Variants in MOB3B observed in about 807,000 individuals in gnomAD.
MOB3B encodes MOB kinase activator-like 2B.
MOB3B carries 7 observed loss-of-function variants against 18.7 expected under a neutral mutation model. The observed-to-expected ratio is 0.37, with a 90% confidence interval of 0.21 to 0.70. The LOEUF is 0.70. Among genes scored for constraint, MOB3B ranks in the 30% least tolerant of loss-of-function variants. The probability of loss-of-function intolerance (pLI) is 0.52; values close to 1 mark genes in which losing one functional copy is unlikely to be tolerated. For missense variants in MOB3B, 253 were observed against 281.3 expected (o/e 0.90, Z 0.72); for synonymous variants, 111 against 99.9 (o/e 1.11, Z -0.66).
chr9:27,407,455 C>G (rs1821999434), intron 2 of MOB3B, among the ~76,000 whole-genome samples: 1 of 152,166 alleles, frequency 6.6e-6, no homozygotes, highest in Non-Finnish European at 1.5e-5. Flanking sequence ...AAATCTTTCA[C>G]ACTCACTGCT....
chr9:27,380,982 G>C (rs76655575), intron 2 of MOB3B, among the ~76,000 whole-genome samples: 7,169 of 152,214 alleles, frequency 0.047, 231 homozygotes, highest in African/African-American at 0.058. Context: ...GGGAACATCA[G>C]TTCACTACCT....
chr9:27,513,721 T>C (rs1820180570), intron 1 of MOB3B, among the ~76,000 whole-genome samples: 1 of 152,220 alleles, frequency 6.6e-6, no homozygotes, highest in Non-Finnish European at 1.5e-5. Context: ...CCTCCCCGAG[T>C]TACCTTCTTG....
chr9:27,491,264 A>C (rs7019351), intron 1 of MOB3B, among the ~76,000 whole-genome samples: 101,631 of 152,022 alleles, frequency 0.67, 35,038 homozygotes, highest in Non-Finnish European at 0.75. Flanking sequence ...AATTTGGCAC[A>C]AGTTCCACAT....
intron 1 of MOB3B, among the ~76,000 whole-genome samples, chr9:27,471,389 G>T (rs7040436): frequency 0.96 from 145,659 of 152,286 alleles, 69,958 homozygotes; most frequent in Non-Finnish European, 1. Context: ...ACATGGCCCT[G>T]CCCCTACTGG....
At chr9:27,368,166 C>T (rs749829901) in intron 2 of MOB3B, among the ~76,000 whole-genome samples, 9 of 152,046 alleles carry the variant, frequency 5.9e-5, no homozygotes, top group African/African-American at 9.7e-5. Context: ...AAACAAGATG[C>T]AATCGGATCA....
Position 27,383,909 on chromosome 9 carries a change from G to A in MOB3B, c.419-24673C>T, listed in dbSNP as rs570216751. On this transcript the variant is annotated intron_variant, in intron 2 of 3. Coordinates refer to ENST00000262244, the MANE Select transcript of MOB3B (RefSeq NM_024761.5). ...AAGTTTGCTCTGGATATAGCAAGAT[G>A]TTCCTTAAAAAAATAAAGTGAATCA... is the stretch of plus-strand genomic sequence containing the variant. Among the ~76,000 whole-genome samples the A allele has an allele frequency of 3.9e-5, 6 of 152,184 alleles. 1 individual carries two copies. The highest frequency in any genetic ancestry group is 3.3e-4 in the Admixed American group (5 of 15,284).
Position 27,359,057 on chromosome 9 carries a change from C to T in MOB3B, c.598G>A (p.Asp200Asn). 6.2e-7 allele frequency: 1 copy of T among 1,614,142 alleles called. No individual in the cohort carries two copies. The highest frequency in any genetic ancestry group is 8.5e-7 in the Non-Finnish European group (1 of 1,180,040). The change falls in exon 3 of 4, where the codon GAC becomes AAC. Residue 200 changes from aspartate to asparagine, a missense_variant. Transcript: ENST00000262244. ...YYFVTEMNLIDRKELEPLKEM... is the reference protein window; with the variant it reads ...YYFVTEMNLINRKELEPLKEM... ...ACCAAAGGCTCTAGCTCCTTGCGGT[C>T]TATGAGGTTCATCTCTGTGACAAAG...
chr9:27,444,601 T>G (rs1366196929), intron 2 of MOB3B, among the ~76,000 whole-genome samples: 1 of 152,220 alleles, frequency 6.6e-6, no homozygotes, highest in Non-Finnish European at 1.5e-5. Flanking sequence ...ATCTTGTTTT[T>G]AAGTTATTAT....
rs187314769 is a variant in MOB3B, at chr9:27,392,837, G to A, written c.419-33601C>T. Among the ~76,000 whole-genome samples, 1,020 of 152,174 alleles carry A rather than the reference G, an allele frequency of 6.7e-3. 8 individuals are homozygous for A. The highest frequency in any genetic ancestry group is 9.8e-3 in the Non-Finnish European group (668 of 67,998). ...TATCTATAAAATAAAGATAATCATC[G>A]TCATGACTATTAATGACCTTACATG... On this transcript the variant is annotated intron_variant, in intron 2 of 3. Transcript: ENST00000262244.
intron 3 of MOB3B, among the ~76,000 whole-genome samples, chr9:27,356,305 G>T (rs1418137357): frequency 6.6e-6 from 1 of 152,138 alleles, no homozygotes; most frequent in African/African-American, 2.4e-5. Flanking sequence ...AAAAAAACCT[G>T]GTACCTTTCT....
In MOB3B at chr9:27,408,726, C is replaced by T. The variant is rs116293874; in HGVS notation, c.418+46407G>A. On this transcript the variant is annotated intron_variant, in intron 2 of 3. Transcript: ENST00000262244. Reference sequence around the variant, plus strand: ...AACATAACTCCTGGTTCTCCTCTCCCGCCTCTGGCCCCCCAGCGTTATTGC... The same window carrying T: ...AACATAACTCCTGGTTCTCCTCTCCTGCCTCTGGCCCCCCAGCGTTATTGC... Among the ~76,000 whole-genome samples the T allele has an allele frequency of 1.6e-3, 244 of 152,234 alleles. 2 individuals are homozygous for T. Among genetic ancestry groups the T allele is most frequent in the African/African-American group, 5.5e-3 (228 of 41,534 alleles).
intron 3 of MOB3B, among the ~76,000 whole-genome samples, chr9:27,342,000 T>G (rs888613454): frequency 6.6e-5 from 10 of 152,236 alleles, no homozygotes; most frequent in African/African-American, 2.4e-4. Flanking sequence ...GAATATTTTA[T>G]GACATATGAT....
intron 1 of MOB3B, among the ~76,000 whole-genome samples, chr9:27,478,810 GACACACACACACACAC>G (rs34976107): frequency 1.6e-4 from 23 of 141,410 alleles, no homozygotes; most frequent in Admixed American, 6.4e-4. Context: ...GGATTAAAAA[GACACACACACACACAC>G]ACACACACAC....
In MOB3B at chr9:27,330,377, T is replaced by C. The variant is rs958747375; in HGVS notation, c.*210A>G. 4 of 557,910 alleles carry C rather than the reference T, an allele frequency of 7.2e-6. No individual in the cohort carries two copies. Among genetic ancestry groups the C allele is most frequent in the Non-Finnish European group, 1.2e-5 (4 of 320,950 alleles). 34.6% of individuals were successfully genotyped at this position (557,910 alleles called of 1,614,324 possible). ...CTGGTCCTTCTTTCACGTTGTGGTC[T>C]GCCTCGTCCACAGGTCTGGGCTAGC... On this transcript the variant is annotated 3_prime_UTR_variant, in exon 4 of 4. Coordinates refer to ENST00000262244, the MANE Select transcript of MOB3B (RefSeq NM_024761.5).
intron 3 of MOB3B, among the ~76,000 whole-genome samples, chr9:27,343,585 T>G (rs1263114404): frequency 2.0e-5 from 3 of 151,330 alleles, no homozygotes; most frequent in Non-Finnish European, 4.4e-5. Flanking sequence ...GAATGATCCA[T>G]GAAAACAATA....
At chr9:27,370,891 G>A (rs1412658856) in intron 2 of MOB3B, among the ~76,000 whole-genome samples, 1 of 152,070 alleles carries the variant, frequency 6.6e-6, no homozygotes, top group Admixed American at 6.6e-5. Flanking sequence ...TTGGTAGAAA[G>A]ATCTCCATGG....
intron 1 of MOB3B, among the ~76,000 whole-genome samples, chr9:27,483,733 GA>G (rs1024415148): frequency 2.6e-5 from 4 of 152,304 alleles, no homozygotes; most frequent in Non-Finnish European, 5.9e-5. Flanking sequence ...CTCGTGGGCA[GA>G]AGAGGAACTA....
chr9:27,527,307 G>A (rs1467298785), intron 1 of MOB3B, among the ~76,000 whole-genome samples: 2 of 152,254 alleles, frequency 1.3e-5, no homozygotes, highest in East Asian at 3.9e-4. Flanking sequence ...TCCTTCCTTG[G>A]GGATCATTTT....
At chr9:27,421,959 C>T (rs772792693) in intron 2 of MOB3B, among the ~76,000 whole-genome samples, 2 of 152,224 alleles carry the variant, frequency 1.3e-5, no homozygotes, top group African/African-American at 2.4e-5. Flanking sequence ...CTCCTCCCCA[C>T]TCTCAATGCA....
Sources: allele counts gnomAD v4.1 joint callset (sites outside exome capture counted in the v4.1 genomes callset), GRCh38; gene constraint gnomAD v4.1.1; transcripts MANE v1.5; gene names NCBI Gene and HGNC (gene_info 2026-07-23, HGNC 2026-07-21).